DHRSX: variants seen among roughly 807,000 people sequenced by gnomAD.
DHRSX encodes the protein dehydrogenase/reductase X-linked.
Under a neutral mutation model 34.0 loss-of-function variants are expected in DHRSX, and 31 were observed. The observed-to-expected ratio is 0.91, with a 90% CI of 0.69 to 1.23. DHRSX has a LOEUF of 1.23. Ranked by LOEUF, DHRSX falls within the 50% of genes most tolerant of loss-of-function variation. The pLI, the probability that DHRSX is intolerant of heterozygous loss-of-function variation, is 0.00. For missense variants in DHRSX, 414 were observed against 428.1 expected, an observed-to-expected ratio of 0.97 and a Z score of 0.29; for synonymous variants, 201 against 183.8, an observed-to-expected ratio of 1.09 and a Z score of -0.76.
chrX:2,261,455 A>G (rs959954935), intron 5 of DHRSX: 3 of 151,922 alleles, frequency 2.0e-5, no homozygotes, highest in African/African-American at 7.3e-5. Context: ...TCTGGATGTG[A>G]TCTGCTTATC....
At chrX:2,306,650 G>A (rs145940733) in intron 3 of DHRSX, among the ~76,000 whole-genome samples, 2,688 of 151,946 alleles carry the variant, frequency 0.018, 83 homozygotes, top group African/African-American at 0.061. Context: ...ACAAGGTTTC[G>A]ATGATCAGTC....
intron 1 of DHRSX, among the ~76,000 whole-genome samples, chrX:2,434,685 A>C (rs988544399): frequency 5.3e-5 from 8 of 152,116 alleles, no homozygotes; most frequent in African/African-American, 1.9e-4. Flanking sequence ...AAATAAAGAA[A>C]AGAAAATTTA....
chrX:2,475,557 G>T (rs1030400686), intron 1 of DHRSX, among the ~76,000 whole-genome samples: 2 of 151,848 alleles, frequency 1.3e-5, no homozygotes, highest in African/African-American at 2.4e-5. Flanking sequence ...CTAAGGGACC[G>T]CCGCCAGGTA....
chrX:2,330,058 GAA>G (rs2124545863), intron 3 of DHRSX, among the ~76,000 whole-genome samples: 1 of 32,774 alleles, frequency 3.1e-5, no homozygotes, highest in East Asian at 5.5e-4. Flanking sequence ...GAATGAGAGA[GAA>G]GCAGAGAGAC....
intron 6 of DHRSX, among the ~76,000 whole-genome samples, chrX:2,239,318 G>T (rs1468541464): frequency 5.9e-5 from 9 of 151,490 alleles, no homozygotes; most frequent in African/African-American, 2.2e-4. Flanking sequence ...ATCACTTGAG[G>T]CCAGGATTTC....
At chrX:2,428,513 C>T (rs2043877447) in intron 1 of DHRSX, among the ~76,000 whole-genome samples, 1 of 152,138 alleles carries the variant, frequency 6.6e-6, no homozygotes, top group South Asian at 2.1e-4. Flanking sequence ...AGCGAACTAA[C>T]ACAAGAACAG....
At chrX:2,360,618 T>C (rs770571213) in intron 3 of DHRSX, among the ~76,000 whole-genome samples, 1 of 152,022 alleles carries the variant, frequency 6.6e-6, no homozygotes, top group Non-Finnish European at 1.5e-5. Flanking sequence ...TCACCCACCA[T>C]TTCTTGGGTA....
intron 4 of DHRSX, among the ~76,000 whole-genome samples, chrX:2,288,404 T>A (rs1380649976): frequency 6.6e-6 from 1 of 152,108 alleles, no homozygotes; most frequent in Non-Finnish European, 1.5e-5. Flanking sequence ...CCCAGCTAAT[T>A]TTGTATTTTT....
chrX:2,297,023 A>AC (rs1303762087), intron 3 of DHRSX, among the ~76,000 whole-genome samples: 1 of 148,774 alleles, frequency 6.7e-6, no homozygotes, highest in East Asian at 2.0e-4. Context: ...AGGCAGATAG[A>AC]CCCAGGCAGA....
chrX:2,352,799 T>G (rs1415769585), intron 3 of DHRSX, among the ~76,000 whole-genome samples: 2 of 152,114 alleles, frequency 1.3e-5, no homozygotes, highest in Non-Finnish European at 2.9e-5. Flanking sequence ...CCACAGTAGA[T>G]GAAGGGCTAT....
intron 4 of DHRSX, among the ~76,000 whole-genome samples, chrX:2,282,406 G>C (rs1384174180): frequency 1.3e-5 from 2 of 148,536 alleles, no homozygotes; most frequent in African/African-American, 4.9e-5. Context: ...GAGAGAAAGA[G>C]AGAAAGGGGG....
Position 2,489,175 on chromosome X carries a change from C to T in DHRSX, c.109+11642G>A, listed in dbSNP as rs777803508. ...GCACCGGGAAGATCTTGTCCTCAGCCGGCCGGTAGCCGCCGTCTTTGACCT... is the reference window on the plus strand; with the variant it reads ...GCACCGGGAAGATCTTGTCCTCAGCTGGCCGGTAGCCGCCGTCTTTGACCT... On this transcript the variant is annotated intron_variant, in intron 1 of 6. Transcript: ENST00000334651. The T allele has an allele frequency of 8.4e-5, 135 of 1,613,616 alleles. 1 individual carries two copies. In the Admixed American group the frequency reaches 1.0e-3, roughly 12 times the overall value.
At chrX:2,267,195 C>T (rs1179839846) in intron 4 of DHRSX, among the ~76,000 whole-genome samples, 1 of 152,190 alleles carries the variant, frequency 6.6e-6, no homozygotes, top group Non-Finnish European at 1.5e-5. Context: ...AAAATAATAA[C>T]CACAGGCCGG....
intron 3 of DHRSX, among the ~76,000 whole-genome samples, chrX:2,297,839 C>G (rs2041953050): frequency 6.6e-6 from 1 of 151,428 alleles, no homozygotes; most frequent in African/African-American, 2.4e-5. Flanking sequence ...ACTGCAACCT[C>G]CACTTCCCGA....
chrX:2,465,579 G>A (rs2044479959), intron 1 of DHRSX, among the ~76,000 whole-genome samples: 1 of 151,822 alleles, frequency 6.6e-6, no homozygotes. Flanking sequence ...GAGGCAGGTG[G>A]ATCACTTGAG....
chrX:2,460,582 C>CTTTTTT lies in DHRSX; in HGVS notation c.110-35284_110-35279dup, dbSNP rs71281906. Among the ~76,000 whole-genome samples, 229 of 111,868 alleles carry CTTTTTT rather than the reference C, an allele frequency of 2.0e-3. 4 individuals carry two copies. The highest frequency in any genetic ancestry group is 5.8e-3 in the African/African-American group (164 of 28,438). The allele number at this position is 111,868 out of a possible 152,430, so 73.4% of individuals were successfully genotyped here. On this transcript the variant is annotated intron_variant, in intron 1 of 6. Coordinates refer to ENST00000334651, the MANE Select transcript of DHRSX (RefSeq NM_145177.3). ...CACACACGTGTGCCACCACGTCTGG[C>CTTTTTT]TTTTTTTTTTTTTTTTAGAGACAGC...
intron 6 of DHRSX, among the ~76,000 whole-genome samples, chrX:2,228,356 GAA>G (rs2124403117): frequency 1.5e-4 from 1 of 6,708 alleles, no homozygotes; most frequent in African/African-American, 8.4e-4. Flanking sequence ...AGGGAGGGAG[GAA>G]GGAAGGGAGG....
intron 3 of DHRSX, among the ~76,000 whole-genome samples, chrX:2,333,634 C>T (rs1426853860): frequency 2.0e-5 from 3 of 151,950 alleles, no homozygotes; most frequent in African/African-American, 7.2e-5. Context: ...AGGCTGGTCT[C>T]GAACTCCTGA....
intron 6 of DHRSX, among the ~76,000 whole-genome samples, chrX:2,230,611 G>A (rs1005571045): frequency 1.6e-3 from 238 of 152,314 alleles, no homozygotes; most frequent in Non-Finnish European, 2.5e-3. Flanking sequence ...TTGCATTTAA[G>A]CGAAGGAGAG....
Sources: gnomAD v4.1 joint callset for allele counts (sites outside exome capture counted in the v4.1 genomes callset) on GRCh38, gnomAD v4.1.1 for gene constraint, MANE v1.5 for transcripts, NCBI Gene and HGNC (gene_info 2026-07-23, HGNC 2026-07-21) for gene names.